Variants in GALNT13 observed in about 807,000 individuals in gnomAD.
GALNT13 encodes the protein UDP-GalNAc:polypeptide N-acetylgalactosaminyltransferase 13.
In GALNT13, 28 loss-of-function variants were observed where a neutral mutation model predicts 64.2. The ratio of observed to expected loss-of-function variants is 0.44; its 90% CI spans 0.32 to 0.60. The LOEUF (loss-of-function observed/expected upper bound fraction) is 0.60. GALNT13 is among the 20% of genes least tolerant of loss of function. The pLI, the probability that GALNT13 is intolerant of heterozygous loss-of-function variation, is 0.05. For synonymous variants in GALNT13, 214 were observed against 224.6 expected (o/e 0.95, Z 0.42); for missense variants, 577 against 669.8 (o/e 0.86, Z 1.53).
chr2:153,473,808 G>C, the GALNT13 span, among the ~76,000 whole-genome samples: 4 of 152,096 alleles, frequency 2.6e-5, no homozygotes, highest in African/African-American at 9.7e-5. Context: ...AAACTCAAAA[G>C]GAAAAATGCT....
intron 10 of GALNT13, among the ~76,000 whole-genome samples, chr2:154,403,419 G>T (rs765242319): frequency 4.0e-5 from 6 of 151,170 alleles, no homozygotes; most frequent in Non-Finnish European, 7.4e-5. Flanking sequence ...TCACACTGCT[G>T]CACCCCAGCC....
chr2:153,471,138 G>C, the GALNT13 span, among the ~76,000 whole-genome samples: 1 of 152,186 alleles, frequency 6.6e-6, no homozygotes, highest in African/African-American at 2.4e-5. Context: ...ATTTTCAAGG[G>C]GAGAAACCAG....
chr2:153,447,448 G>A, the GALNT13 span, among the ~76,000 whole-genome samples: 1 of 152,114 alleles, frequency 6.6e-6, no homozygotes, highest in Non-Finnish European at 1.5e-5. Context: ...TGGAAAATAT[G>A]CACTACAAAG....
the GALNT13 span, among the ~76,000 whole-genome samples, chr2:153,325,593 TG>T: frequency 6.6e-6 from 1 of 152,158 alleles, no homozygotes; most frequent in South Asian, 2.1e-4. Flanking sequence ...GATGCTTGGG[TG>T]TTGATTTTAG....
chr2:153,904,892 C>T (rs886094710), intron 2 of GALNT13, among the ~76,000 whole-genome samples: 1 of 151,750 alleles, frequency 6.6e-6, no homozygotes, highest in Non-Finnish European at 1.5e-5. Context: ...GTTATAGAAT[C>T]ATACTGGACA....
intron 3 of GALNT13, among the ~76,000 whole-genome samples, chr2:154,088,829 T>C (rs1284204299): frequency 6.6e-6 from 1 of 152,172 alleles, no homozygotes; most frequent in African/African-American, 2.4e-5. Context: ...TATGTTTTTG[T>C]TCTTGATACC....
chr2:153,412,061 C>T, the GALNT13 span, among the ~76,000 whole-genome samples: 1 of 152,180 alleles, frequency 6.6e-6, no homozygotes, highest in Non-Finnish European at 1.5e-5. Context: ...ACATCTTTCT[C>T]GTGTGCTGGA....
intron 4 of GALNT13, among the ~76,000 whole-genome samples, chr2:154,167,450 A>G (rs1440956620): frequency 9.2e-5 from 14 of 152,190 alleles, no homozygotes; most frequent in Non-Finnish European, 1.5e-5. Flanking sequence ...AGATATTCGA[A>G]TATTTGAAAG....
At chr2:153,229,283 A>G in the GALNT13 span, among the ~76,000 whole-genome samples, 3 of 152,186 alleles carry the variant, frequency 2.0e-5, no homozygotes, top group Non-Finnish European at 2.9e-5. Context: ...ACTGGTTCCA[A>G]TATTGAAGCT....
At chr2:154,207,626 G>C (rs1416958038) in intron 4 of GALNT13, among the ~76,000 whole-genome samples, 1 of 152,062 alleles carries the variant, frequency 6.6e-6, no homozygotes, top group Admixed American at 6.6e-5. Flanking sequence ...TAAGCACTCA[G>C]TAATGTGTAT....
intron 3 of GALNT13, among the ~76,000 whole-genome samples, chr2:154,057,133 G>A (rs1468623796): frequency 1.3e-5 from 2 of 151,982 alleles, no homozygotes; most frequent in East Asian, 3.9e-4. Context: ...GGGTTCAAGC[G>A]ATTCTCCTGC....
At chr2:153,920,042 A>T (rs1042475564) in intron 2 of GALNT13, among the ~76,000 whole-genome samples, 2 of 148,074 alleles carry the variant, frequency 1.4e-5, no homozygotes, top group Non-Finnish European at 3.0e-5. Flanking sequence ...AAATATAATT[A>T]TATATATTTA....
intron 3 of GALNT13, among the ~76,000 whole-genome samples, chr2:154,107,041 T>A (rs1318578953): frequency 1.3e-5 from 2 of 152,032 alleles, no homozygotes; most frequent in Non-Finnish European, 2.9e-5. Flanking sequence ...TTGTTTTGTT[T>A]TTCCATCTTT....
the GALNT13 span, among the ~76,000 whole-genome samples, chr2:153,369,904 G>T: frequency 6.6e-6 from 1 of 152,158 alleles, no homozygotes. Flanking sequence ...TGCTTCATGA[G>T]AGATTATGAA....
the GALNT13 span, among the ~76,000 whole-genome samples, chr2:153,828,937 A>G: frequency 1.3e-5 from 2 of 152,168 alleles, no homozygotes; most frequent in Admixed American, 1.3e-4. Flanking sequence ...CTGAAATTCC[A>G]CAAATCTCTC....
At chr2:153,157,924 A>G in the GALNT13 span, among the ~76,000 whole-genome samples, 3 of 152,210 alleles carry the variant, frequency 2.0e-5, no homozygotes, top group African/African-American at 7.2e-5. Context: ...AAAACCCCAG[A>G]GGGACTTTAA....
the GALNT13 span, among the ~76,000 whole-genome samples, chr2:153,729,296 G>A: frequency 6.6e-6 from 1 of 152,040 alleles, no homozygotes; most frequent in African/African-American, 2.4e-5. Flanking sequence ...ATGAAAAAAT[G>A]TCTTTTCAGA....
the GALNT13 span, among the ~76,000 whole-genome samples, chr2:153,598,139 C>T: frequency 2.6e-5 from 4 of 152,086 alleles, no homozygotes; most frequent in African/African-American, 9.7e-5. Context: ...CACTCTTGTG[C>T]TCAAAGCCCT....
the GALNT13 span, among the ~76,000 whole-genome samples, chr2:153,809,058 T>G: frequency 6.6e-6 from 1 of 152,342 alleles, no homozygotes; most frequent in East Asian, 1.9e-4. Flanking sequence ...CCTAGTAAAT[T>G]GACTTGCTTT....
Sources: allele counts gnomAD v4.1 joint callset (sites outside exome capture counted in the v4.1 genomes callset), GRCh38; gene constraint gnomAD v4.1.1; transcripts MANE v1.5; gene names NCBI Gene and HGNC (gene_info 2026-07-23, HGNC 2026-07-21).